The following MPHOSPH8 variants were observed in gnomAD, a reference collection of about 807,000 sequenced individuals.
MPHOSPH8 encodes M-phase phosphoprotein, mpp.
A neutral mutation model predicts 87.3 loss-of-function variants in MPHOSPH8; 45 were observed. That is an observed-to-expected ratio of 0.52 (90% CI 0.41 to 0.66). The LOEUF is 0.66. Among genes scored for constraint, MPHOSPH8 ranks in the 30% least tolerant of loss-of-function variants. MPHOSPH8 has a pLI of 0.00. For synonymous variants in MPHOSPH8, 366 were observed against 376.9 expected (o/e 0.97, Z 0.33); for missense variants, 883 against 1,020.2 (o/e 0.87, Z 1.83).
rs765226989 is a variant in MPHOSPH8 at position 19,646,973 on chromosome 13, A to G, written c.900A>G (p.Ala300=). The G allele has an allele frequency of 6.3e-7, 1 of 1,592,332 alleles. No individual in the cohort carries two copies. The highest frequency in any genetic ancestry group is 2.2e-5 in the East Asian group (1 of 44,796). ...ACACTAAAAGTGCAAGAGAGAGAGC[A>G]GGGCAGGACATGGGGCTGGAGCATG... is the stretch of plus-strand genomic sequence containing the variant. ...KQNTKSARER[A]GQDMGLEHGF... Residue 300 remains alanine, a synonymous_variant, in exon 3 of 14, where the codon GCA becomes GCG. Transcript: ENST00000361479.
intron 5 of MPHOSPH8, among the ~76,000 whole-genome samples, chr13:19,655,786 T>TA (rs1262204284): frequency 6.6e-6 from 1 of 151,892 alleles, no homozygotes; most frequent in Non-Finnish European, 1.5e-5. Context: ...GACAAAGAAA[T>TA]AAAAAAGCCA....
At chr13:19,657,422 C>T (rs1345058868) in intron 5 of MPHOSPH8, among the ~76,000 whole-genome samples, 4 of 147,808 alleles carry the variant, frequency 2.7e-5, no homozygotes, top group African/African-American at 1.0e-4. Context: ...TTTTTTTTTG[C>T]GCTTGAGCAA....
At chr13:19,667,525 C>T (rs1278601811) in intron 10 of MPHOSPH8, among the ~76,000 whole-genome samples, 3 of 152,128 alleles carry the variant, frequency 2.0e-5, no homozygotes, top group Non-Finnish European at 4.4e-5. Context: ...CTTTTCATCC[C>T]TCCCTCCCCC....
At position 19,648,431 on chromosome 13, in the gene MPHOSPH8, A is replaced by G. The variant is rs458210; in HGVS notation, c.1228A>G (p.Thr410Ala). The part of the protein sequence containing the change: ...STDSAEEDKE[T>A]KRNESKEKYQ... Reference sequence around the variant, plus strand: ...ATCATGTCATTTTCAGGACAAAGAAACCAAAAGAAATGAATCCAAAGAAAA... The same window carrying G: ...ATCATGTCATTTTCAGGACAAAGAAGCCAAAAGAAATGAATCCAAAGAAAA... The change falls in exon 4 of 14, where the codon ACC becomes GCC. Residue 410 changes from threonine to alanine, a missense_variant. By Grantham distance (58) the Thr-to-Ala change is moderately conservative (BLOSUM62 0). Coordinates refer to ENST00000361479, the MANE Select transcript of MPHOSPH8 (RefSeq NM_017520.4). The G allele has an allele frequency of 3.1e-6, 5 of 1,589,302 alleles. No individual in the cohort carries two copies. The highest frequency in any genetic ancestry group is 4.3e-6 in the Non-Finnish European group (5 of 1,167,358).
rs763043609 is a variant in MPHOSPH8, at chr13:19,656,300, AC to A, written c.1577-2694del. Reference sequence around the variant, plus strand: ...GTCAAAAAAAAAAAAAAAAAAAAAAACTGTCGTCATCAGATTCATATTAAAA... The same window carrying A: ...GTCAAAAAAAAAAAAAAAAAAAAAAATGTCGTCATCAGATTCATATTAAAA... On this transcript the variant is annotated intron_variant, in intron 5 of 13. Transcript: ENST00000361479. Among the ~76,000 whole-genome samples the A allele has an allele frequency of 1.9e-3, 287 of 150,320 alleles. 1 individual carries two copies. Among genetic ancestry groups the A allele is most frequent in the African/African-American group, 6.1e-3 (248 of 40,972 alleles).
intron 1 of MPHOSPH8, among the ~76,000 whole-genome samples, chr13:19,639,311 C>CTT (rs573374622): frequency 1.6e-4 from 23 of 143,964 alleles, no homozygotes; most frequent in Non-Finnish European, 2.6e-4. Context: ...TCTGGAATGT[C>CTT]TTTTTTTTTT....
chr13:19,634,347 C>T (rs986518542), intron 1 of MPHOSPH8, among the ~76,000 whole-genome samples: 19 of 152,130 alleles, frequency 1.2e-4, no homozygotes, highest in African/African-American at 4.1e-4. Flanking sequence ...TTTCCAAAAC[C>T]GTAACCAACT....
chr13:19,647,840 C>T (rs1467545471), intron 3 of MPHOSPH8, among the ~76,000 whole-genome samples: 4 of 152,068 alleles, frequency 2.6e-5, no homozygotes, highest in African/African-American at 9.6e-5. Flanking sequence ...TTTTTTCATC[C>T]ATTATTTCCA....
At position 19,657,121 on chromosome 13, in the gene MPHOSPH8, C is replaced by CAAAA. The variant is rs11383127; in HGVS notation, c.1577-1856_1577-1853dup. 2.1e-3 allele frequency among the ~76,000 whole-genome samples: 146 copies of CAAAA among 69,766 alleles called. 2 individuals are homozygous for CAAAA. Among genetic ancestry groups the CAAAA allele is most frequent in the Middle Eastern group, 0.016 (1 of 64 alleles). 45.8% of individuals were successfully genotyped at this position (69,766 alleles called of 152,430 possible). A position where few individuals can be genotyped will look rare whatever the true frequency, so the allele number is the denominator to read the frequency against. ...TGGGCAACAGCACAAAACTCTGTCT[C>CAAAA]AAAAAAAAAAAAAAAAAAAAAGGCC... is the stretch of plus-strand genomic sequence containing the variant. On this transcript the variant is annotated intron_variant, in intron 5 of 13. Coordinates refer to ENST00000361479, the MANE Select transcript of MPHOSPH8 (RefSeq NM_017520.4).
intron 5 of MPHOSPH8, among the ~76,000 whole-genome samples, chr13:19,655,590 C>G (rs1039735201): frequency 6.6e-6 from 1 of 152,094 alleles, no homozygotes; most frequent in African/African-American, 2.4e-5. Flanking sequence ...CACCATGTTT[C>G]CCAGGCTGGT....
intron 5 of MPHOSPH8, among the ~76,000 whole-genome samples, chr13:19,653,236 C>G (rs1257962896): frequency 6.6e-6 from 1 of 152,222 alleles, no homozygotes; most frequent in African/African-American, 2.4e-5. Flanking sequence ...GAGGAAGGAA[C>G]AGGCAGCAAT....
chr13:19,648,163 T>C (rs1277672313), intron 3 of MPHOSPH8, among the ~76,000 whole-genome samples: 1 of 152,042 alleles, frequency 6.6e-6, no homozygotes, highest in African/African-American at 2.4e-5. Flanking sequence ...TTTCTTTTTT[T>C]TTTTTTAATA....
At chr13:19,643,185 A>G (rs917406076) in intron 2 of MPHOSPH8, among the ~76,000 whole-genome samples, 4 of 152,136 alleles carry the variant, frequency 2.6e-5, no homozygotes, top group African/African-American at 7.2e-5. Flanking sequence ...GATAGGTAAA[A>G]TCTATTTTCT....
At chr13:19,635,464 G>T (rs1360652424) in intron 1 of MPHOSPH8, among the ~76,000 whole-genome samples, 1 of 152,152 alleles carries the variant, frequency 6.6e-6, no homozygotes, top group African/African-American at 2.4e-5. Context: ...GGAGGCGGAG[G>T]TTGCAGTAAA....
At chr13:19,644,210 G>T (rs1330472281) in intron 2 of MPHOSPH8, among the ~76,000 whole-genome samples, 1 of 152,034 alleles carries the variant, frequency 6.6e-6, no homozygotes, top group East Asian at 1.9e-4. Context: ...ATGCAATTTT[G>T]TTGAGTATGT....
chr13:19,656,025 G>A (rs1184701715), intron 5 of MPHOSPH8, among the ~76,000 whole-genome samples: 2 of 152,032 alleles, frequency 1.3e-5, no homozygotes, highest in South Asian at 2.1e-4. Context: ...GCTTAAATCC[G>A]GGAAGGTGGA....
At chr13:19,658,872 C>A in intron 5 of MPHOSPH8, 123 bp from the exon 6 acceptor site, 2 of 1,224,706 alleles carry the variant, frequency 1.6e-6, no homozygotes, top group Non-Finnish European at 2.3e-6. Context: ...CCCCATTATA[C>A]AATGACTTGT....
intron 9 of MPHOSPH8, among the ~76,000 whole-genome samples, chr13:19,665,624 C>G (rs1326012742): frequency 6.6e-6 from 1 of 152,160 alleles, no homozygotes. Flanking sequence ...TGGATGACAC[C>G]GTTGTCGGGG....
At chr13:19,664,494 G>A (rs11617652) in intron 9 of MPHOSPH8, among the ~76,000 whole-genome samples, 16,444 of 152,242 alleles carry the variant, frequency 0.11, 1,004 homozygotes, top group Middle Eastern at 0.14. Flanking sequence ...AGCTGAAGAA[G>A]GGTAGAATCG....
Sources: gnomAD v4.1 joint callset for allele counts (sites outside exome capture counted in the v4.1 genomes callset) on GRCh38, gnomAD v4.1.1 for gene constraint, MANE v1.5 for transcripts, NCBI Gene and HGNC (gene_info 2026-07-23, HGNC 2026-07-21) for gene names.